CSMD1: variants seen among roughly 807,000 people sequenced by gnomAD.
CSMD1 encodes the protein CUB and Sushi multiple domains 1.
A neutral mutation model predicts 417.5 loss-of-function variants in CSMD1; 213 were observed. The observed-to-expected ratio is 0.51, with a 90% CI of 0.46 to 0.57. CSMD1 has a LOEUF of 0.57. CSMD1 is among the 20% of genes least tolerant of loss of function. The probability of loss-of-function intolerance (pLI) is 0.00; values close to 1 mark genes in which losing one functional copy is unlikely to be tolerated. For synonymous variants in CSMD1, 2,862 were observed against 1,736.8 expected (o/e 1.65, Z -16.11); for missense variants, 6,923 against 4,529.7 (o/e 1.53, Z -15.17).
intron 1 of CSMD1, among the ~76,000 whole-genome samples, chr8:4,945,867 G>A (rs1808333824): frequency 6.6e-6 from 1 of 152,098 alleles, no homozygotes; most frequent in Non-Finnish European, 1.5e-5. Context: ...GCAGGATTTG[G>A]CAGACAATCA....
At chr8:3,376,291 G>C (rs953323495) in intron 18 of CSMD1, among the ~76,000 whole-genome samples, 12 of 151,924 alleles carry the variant, frequency 7.9e-5, no homozygotes, top group Non-Finnish European at 1.5e-4. Context: ...TGGATGAAAA[G>C]GGTAACCAAT....
chr8:3,320,239 G>A (rs1240981214), intron 23 of CSMD1, among the ~76,000 whole-genome samples: 2 of 152,286 alleles, frequency 1.3e-5, no homozygotes, highest in African/African-American at 4.8e-5. Context: ...TTTGGAGAGG[G>A]ACGGAGGATG....
chr8:3,091,400 T>TA lies in CSMD1; in HGVS notation c.7285+115_7285+116insT. ...CATCATATATTTCTACTGTAGTTAATTATTAATCTTTAAGAATTAGGATTA... is the reference window on the plus strand; with the variant it reads ...CATCATATATTTCTACTGTAGTTAATATATTAATCTTTAAGAATTAGGATTA... On this transcript the variant is annotated intron_variant, in intron 48 of 69. Transcript: ENST00000635120. 2.9e-6 allele frequency: 2 copies of TA among 690,482 alleles called. 1 individual carries two copies. Among genetic ancestry groups the TA allele is most frequent in the South Asian group, 6.2e-5 (2 of 32,072 alleles). 42.8% of individuals were successfully genotyped at this position (690,482 alleles called of 1,614,324 possible).
intron 18 of CSMD1, among the ~76,000 whole-genome samples, chr8:3,384,851 G>A (rs1247609668): frequency 8.5e-6 from 1 of 117,380 alleles, no homozygotes; most frequent in African/African-American, 3.4e-5. Context: ...ATTTATATAT[G>A]CTATTTATAT....
At chr8:3,668,525 A>C (rs1216916981) in intron 7 of CSMD1, among the ~76,000 whole-genome samples, 1 of 152,148 alleles carries the variant, frequency 6.6e-6, no homozygotes, top group Non-Finnish European at 1.5e-5. Context: ...GGCATTGTAC[A>C]CCTTGGTCCT....
At chr8:4,841,094 A>T (rs1323589469) in intron 1 of CSMD1, among the ~76,000 whole-genome samples, 1 of 152,210 alleles carries the variant, frequency 6.6e-6, no homozygotes, top group Admixed American at 6.5e-5. Flanking sequence ...GCTCTAAAGG[A>T]TCTTTGTCGA....
At chr8:4,979,146 A>C (rs1327559602) in intron 1 of CSMD1, among the ~76,000 whole-genome samples, 1 of 152,180 alleles carries the variant, frequency 6.6e-6, no homozygotes, top group Non-Finnish European at 1.5e-5. Flanking sequence ...AATTGTATTC[A>C]AGCTAAATTT....
rs896591315 is a variant in CSMD1, at chr8:3,403,470, C to T, written c.2266+2557G>A. On this transcript the variant is annotated intron_variant, in intron 15 of 69. Coordinates refer to ENST00000635120, the MANE Select transcript of CSMD1 (RefSeq NM_033225.6). The stretch of plus-strand genomic sequence containing the variant: ...TTTCTCAACGCAGGTAGACTTTTAA[C>T]ATCTTTTCCTATTAACTTTTTCTTT... 8.5e-5 allele frequency among the ~76,000 whole-genome samples: 13 copies of T among 152,346 alleles called. No homozygotes were observed. In the South Asian group the frequency reaches 2.3e-3, roughly 27 times the overall value.
chr8:3,822,409 A>AT (rs1563115259), intron 5 of CSMD1, among the ~76,000 whole-genome samples: 1 of 152,190 alleles, frequency 6.6e-6, no homozygotes, highest in African/African-American at 2.4e-5. Flanking sequence ...AACCTTGGGC[A>AT]TTTTTTAGGT....
intron 5 of CSMD1, among the ~76,000 whole-genome samples, chr8:3,900,920 A>G (rs1563192641): frequency 6.6e-6 from 1 of 152,230 alleles, no homozygotes; most frequent in South Asian, 2.1e-4. Context: ...GCATCCAAAC[A>G]CTATGGATTA....
At chr8:4,423,806 C>G (rs1053424758) in intron 2 of CSMD1, among the ~76,000 whole-genome samples, 6 of 151,532 alleles carry the variant, frequency 4.0e-5, no homozygotes, top group Admixed American at 2.6e-4. Flanking sequence ...CACCTGATTT[C>G]AAGACTTATT....
chr8:4,750,106 C>T (rs533290522), intron 1 of CSMD1, among the ~76,000 whole-genome samples: 3 of 152,132 alleles, frequency 2.0e-5, no homozygotes, highest in Non-Finnish European at 2.9e-5. Flanking sequence ...CCCGGGTTCA[C>T]CCCATTCTCC....
chr8:3,505,763 G>A (rs774859442), intron 10 of CSMD1, among the ~76,000 whole-genome samples: 1 of 152,134 alleles, frequency 6.6e-6, no homozygotes. Context: ...TTAGCAAACA[G>A]GCTATTTTAT....
intron 6 of CSMD1, among the ~76,000 whole-genome samples, chr8:3,752,318 C>T (rs920863323): frequency 6.6e-6 from 1 of 152,138 alleles, no homozygotes; most frequent in Non-Finnish European, 1.5e-5. Context: ...CCGGCAACAT[C>T]AGAAGGCAAT....
chr8:3,693,925 G>C (rs1174433515), intron 7 of CSMD1, among the ~76,000 whole-genome samples: 1 of 151,354 alleles, frequency 6.6e-6, no homozygotes, highest in South Asian at 2.1e-4. Flanking sequence ...GTGTGTGTTT[G>C]TTATGGTGTG....
intron 34 of CSMD1, among the ~76,000 whole-genome samples, chr8:3,189,607 C>T (rs908963785): frequency 2.6e-5 from 4 of 152,200 alleles, no homozygotes; most frequent in African/African-American, 9.6e-5. Context: ...AGCAAATCAA[C>T]ATGATAATGG....
chr8:4,007,946 G>C (rs761568849), intron 4 of CSMD1, among the ~76,000 whole-genome samples: 1 of 152,120 alleles, frequency 6.6e-6, no homozygotes, highest in Non-Finnish European at 1.5e-5. Flanking sequence ...ACTCTTAATA[G>C]AGCGAAATTT....
rs1400456769 is a variant in CSMD1 at position 3,439,297 on chromosome 8, ATATATATATATATT to A, written c.1561+29401_1561+29414del. The stretch of plus-strand genomic sequence containing the variant: ...GCAATGTCAGTATATATATATATAT[ATATATATATATATT>A]TTTTTTTTTAATATGTATTTTTAAT... On this transcript the variant is annotated intron_variant, in intron 12 of 69. Transcript: ENST00000635120. Among the ~76,000 whole-genome samples the A allele has an allele frequency of 1.3e-3, 64 of 49,632 alleles. 4 individuals are homozygous for A. The highest frequency in any genetic ancestry group is 8.1e-3 in the African/African-American group (59 of 7,268). 32.6% of individuals were successfully genotyped at this position (49,632 alleles called of 152,430 possible).
At chr8:3,818,892 T>C (rs554130006) in intron 5 of CSMD1, among the ~76,000 whole-genome samples, 1 of 152,264 alleles carries the variant, frequency 6.6e-6, no homozygotes, top group Non-Finnish European at 1.5e-5. Flanking sequence ...CCTGCAAACT[T>C]GAAAGCAAGA....
Sources: allele counts gnomAD v4.1 joint callset (sites outside exome capture counted in the v4.1 genomes callset), GRCh38; gene constraint gnomAD v4.1.1; transcripts MANE v1.5; gene names NCBI Gene and HGNC (gene_info 2026-07-23, HGNC 2026-07-21).